The following RIMS2 variants were observed in gnomAD, a reference collection of about 807,000 sequenced individuals.
The protein encoded by RIMS2 is regulating synaptic membrane exocytosis protein 2.
In RIMS2, 59 loss-of-function variants were observed where a neutral mutation model predicts 174.4. The observed-to-expected ratio is 0.34, with a 90% CI of 0.27 to 0.42. RIMS2 has a LOEUF of 0.42. Among genes scored for constraint, RIMS2 ranks in the 10% least tolerant of loss-of-function variants. The pLI is 1.00. For synonymous variants in RIMS2, 606 were observed against 572.5 expected, an observed-to-expected ratio of 1.06 and a Z score of -0.84; for missense variants, 1,620 against 1,666.3, an observed-to-expected ratio of 0.97 and a Z score of 0.48.
At chr8:103,613,213 T>C (rs374094613) in intron 1 of RIMS2, among the ~76,000 whole-genome samples, 2 of 152,210 alleles carry the variant, frequency 1.3e-5, no homozygotes, top group South Asian at 2.1e-4. Flanking sequence ...GGAATTTGTC[T>C]GATGTTGTAT....
chr8:103,731,080 A>C (rs1193151320), intron 2 of RIMS2, among the ~76,000 whole-genome samples: 2 of 152,122 alleles, frequency 1.3e-5, no homozygotes, highest in South Asian at 4.1e-4. Flanking sequence ...CTTATTCACT[A>C]TCATGAGGTC....
At chr8:103,650,988 C>T (rs1429250793) in intron 1 of RIMS2, among the ~76,000 whole-genome samples, 2 of 152,214 alleles carry the variant, frequency 1.3e-5, no homozygotes, top group African/African-American at 4.8e-5. Flanking sequence ...GATGGATCTC[C>T]TGCCTTGATG....
At chr8:104,003,813 A>T (rs182284123) in intron 17 of RIMS2, among the ~76,000 whole-genome samples, 1 of 152,290 alleles carries the variant, frequency 6.6e-6, no homozygotes, top group East Asian at 1.9e-4. Flanking sequence ...AATGGTGATA[A>T]CAAGTTCATT....
rs78380535 is a variant in RIMS2, at chr8:104,084,043, A to C, written c.3334+69428A>C. On this transcript the variant is annotated intron_variant, in intron 19 of 23. Coordinates refer to ENST00000504942, the Ensembl canonical transcript of RIMS2. ...TATTTGAAAGTTGTTTGTAAACTATAAAAAGTATTTAAATTTTAATTATTA... is the reference window on the plus strand; with the variant it reads ...TATTTGAAAGTTGTTTGTAAACTATCAAAAGTATTTAAATTTTAATTATTA... Among the ~76,000 whole-genome samples the C allele has an allele frequency of 1.0e-3, 158 of 152,272 alleles. 1 individual carries two copies. The East Asian group carries it at 0.021, about 20-fold the overall frequency.
chr8:104,009,422 C>T (rs2154553320), intron 17 of RIMS2, among the ~76,000 whole-genome samples: 1 of 151,878 alleles, frequency 6.6e-6, no homozygotes, highest in Admixed American at 6.6e-5. Context: ...GCCTCCTGAA[C>T]AACTAGGACT....
intron 19 of RIMS2, among the ~76,000 whole-genome samples, chr8:104,125,656 A>G (rs962437610): frequency 8.5e-5 from 13 of 152,196 alleles, no homozygotes; most frequent in Non-Finnish European, 1.9e-4. Context: ...TAAAATTGAT[A>G]TGTTAATGAT....
chr8:104,196,988 A>T (rs1390507182), intron 19 of RIMS2, among the ~76,000 whole-genome samples: 2 of 152,144 alleles, frequency 1.3e-5, no homozygotes, highest in Non-Finnish European at 2.9e-5. Context: ...ATTATCTTAT[A>T]TTTTTCCTAT....
chr8:103,574,276 A>G (rs1044785620), intron 1 of RIMS2, among the ~76,000 whole-genome samples: 1 of 152,190 alleles, frequency 6.6e-6, no homozygotes, highest in African/African-American at 2.4e-5. Context: ...AGATATTTGG[A>G]CAAACCATAA....
chr8:104,173,575 A>G (rs1479404584), intron 19 of RIMS2, among the ~76,000 whole-genome samples: 1 of 101,046 alleles, frequency 9.9e-6, no homozygotes, highest in African/African-American at 3.6e-5. Context: ...GTTATAAGCT[A>G]TTGCTTTCTT....
intron 19 of RIMS2, among the ~76,000 whole-genome samples, chr8:104,122,119 G>A (rs2098383582): frequency 6.6e-6 from 1 of 152,140 alleles, no homozygotes; most frequent in Admixed American, 6.6e-5. Flanking sequence ...GTGACAGTGT[G>A]TGTCAGTCAG....
At chr8:104,043,435 T>C (rs1260274993) in intron 19 of RIMS2, among the ~76,000 whole-genome samples, 6 of 151,552 alleles carry the variant, frequency 4.0e-5, no homozygotes, top group Non-Finnish European at 8.9e-5. Context: ...TGGATCACAG[T>C]TGGAACTTTG....
chr8:103,641,785 T>C (rs1294918519), intron 1 of RIMS2, among the ~76,000 whole-genome samples: 3 of 152,104 alleles, frequency 2.0e-5, no homozygotes, highest in Non-Finnish European at 4.4e-5. Flanking sequence ...TCTCTTTCCA[T>C]GTGATCTCTG....
At chr8:103,507,415 C>G (rs1369795848) in intron 1 of RIMS2, among the ~76,000 whole-genome samples, 1 of 152,086 alleles carries the variant, frequency 6.6e-6, no homozygotes, top group African/African-American at 2.4e-5. Flanking sequence ...GCAGCTTCAA[C>G]TTCTAATGTA....
At chr8:104,138,529 G>A (rs1454418167) in intron 19 of RIMS2, among the ~76,000 whole-genome samples, 1 of 152,172 alleles carries the variant, frequency 6.6e-6, no homozygotes, top group Admixed American at 6.6e-5. Context: ...GATTAGTGAT[G>A]TTGAATGCCT....
At chr8:103,959,418 T>TA (rs1185499756) in intron 14 of RIMS2, among the ~76,000 whole-genome samples, 1 of 151,722 alleles carries the variant, frequency 6.6e-6, no homozygotes, top group Non-Finnish European at 1.5e-5. Flanking sequence ...CATGCATACC[T>TA]AAAAAAGTAA....
chr8:103,601,434 T>G (rs2094731916), intron 1 of RIMS2, among the ~76,000 whole-genome samples: 2 of 152,230 alleles, frequency 1.3e-5, no homozygotes, highest in African/African-American at 4.8e-5. Flanking sequence ...TCTTTGTGTC[T>G]TCTTACAGTT....
chr8:103,822,654 GT>G (rs1276625607), intron 3 of RIMS2, among the ~76,000 whole-genome samples: 1 of 151,780 alleles, frequency 6.6e-6, no homozygotes, highest in Non-Finnish European at 1.5e-5. Context: ...AGGATTCTCT[GT>G]TCTTTTACAG....
intron 3 of RIMS2, among the ~76,000 whole-genome samples, chr8:103,835,165 G>A (rs559026408): frequency 6.2e-5 from 9 of 146,172 alleles, no homozygotes; most frequent in Middle Eastern, 3.7e-3. Context: ...GCAGTGGCGC[G>A]ATCTCAGCTC....
chr8:104,240,848 A>T (rs936622570), intron 19 of RIMS2, among the ~76,000 whole-genome samples: 1 of 152,170 alleles, frequency 6.6e-6, no homozygotes, highest in Non-Finnish European at 1.5e-5. Flanking sequence ...AGTATAATTA[A>T]TTGAAGCTTT....
Sources: gnomAD v4.1 joint callset for allele counts (sites outside exome capture counted in the v4.1 genomes callset) on GRCh38, gnomAD v4.1.1 for gene constraint, MANE v1.5 for transcripts, NCBI Gene and HGNC (gene_info 2026-07-23, HGNC 2026-07-21) for gene names.